PTPRU: variants seen among roughly 807,000 people sequenced by gnomAD.
The protein encoded by PTPRU is protein tyrosine phosphatase receptor type U, also known as receptor-type tyrosine-protein phosphatase U.
In PTPRU, 69 loss-of-function variants were observed where a neutral mutation model predicts 166.3. That is an observed-to-expected ratio of 0.41 (90% CI 0.34 to 0.51). PTPRU has a LOEUF of 0.51. Ranked by LOEUF, PTPRU falls within the 20% of genes least tolerant of loss-of-function variation. The probability of loss-of-function intolerance (pLI) is 0.09; values close to 1 mark genes in which losing one functional copy is unlikely to be tolerated. For synonymous variants in PTPRU, 793 were observed against 814.0 expected (o/e 0.97, Z 0.44); for missense variants, 1,657 against 2,013.7 (o/e 0.82, Z 3.39).
rs1687934509 is a variant in PTPRU, at chr1:29,317,144, TGA to T, written c.3514-600_3514-599del. 1.3e-5 allele frequency among the ~76,000 whole-genome samples: 2 copies of T among 152,172 alleles called. No individual in the cohort carries two copies. Among genetic ancestry groups the T allele is most frequent in the South Asian group, 4.2e-4 (2 of 4,812 alleles). ...ATCTCCAAGAACAAGAGAAAGAAAC[TGA>T]GAGCCCCTGGGTCTGGATGCGTGAG... On this transcript the variant is annotated intron_variant, in intron 24 of 29. Transcript: ENST00000373779. This position sits in a 1 kb window ranked among gnomAD's most constrained non-coding sequence, Gnocchi z 5.6.
chr1:29,273,512 A>T (rs1400204841), intron 7 of PTPRU, among the ~76,000 whole-genome samples: 1 of 151,826 alleles, frequency 6.6e-6, no homozygotes, highest in Non-Finnish European at 1.5e-5. Flanking sequence ...CAGGTGATCC[A>T]CCTGCCTTGG....
At chr1:29,259,603 G>GGTT in intron 5 of PTPRU, 39 bp downstream of exon 5, 1 of 1,292,126 alleles carries the variant, frequency 7.7e-7, no homozygotes, top group Non-Finnish European at 1.1e-6. Context: ...GGCGGGGTGG[G>GGTT]AGGGGGTTGG....
chr1:29,257,519 C>G lies in PTPRU; in HGVS notation c.206-986C>G, dbSNP rs1684826751. Among the ~76,000 whole-genome samples, 2 of 152,178 alleles carry G rather than the reference C, an allele frequency of 1.3e-5. No individual in the cohort carries two copies. Among genetic ancestry groups the G allele is most frequent in the Admixed American group, 1.3e-4 (2 of 15,286 alleles). On this transcript the variant is annotated intron_variant, in intron 2 of 29. Transcript: ENST00000373779. The surrounding 1 kb of genome is among the most constrained non-coding windows in gnomAD (Gnocchi z 4.6). ...GGAAGCCCAAATCCCCCCGCCAGGT[C>G]CTGAGCCAGCCTAGTCCACTTCTAC...
At chr1:29,270,975 GA>G (rs1264999100) in intron 7 of PTPRU, among the ~76,000 whole-genome samples, 1 of 151,806 alleles carries the variant, frequency 6.6e-6, no homozygotes, top group Admixed American at 6.6e-5. Context: ...AACAAACAAA[GA>G]AAAAAAAGAA....
chr1:29,275,093 A>G (rs1389356383), intron 7 of PTPRU, among the ~76,000 whole-genome samples: 1 of 151,034 alleles, frequency 6.6e-6, no homozygotes, highest in Non-Finnish European at 1.5e-5. Flanking sequence ...CTTATTGTAT[A>G]TTAGCCATTG....
intron 8 of PTPRU, among the ~76,000 whole-genome samples, chr1:29,276,312 C>T (rs1284712061): frequency 6.6e-6 from 1 of 151,736 alleles, no homozygotes; most frequent in Non-Finnish European, 1.5e-5. Flanking sequence ...CACCACCACG[C>T]CAAGCTAGTT....
At chr1:29,303,450 G>A (rs1266091102) in intron 15 of PTPRU, among the ~76,000 whole-genome samples, 1 of 152,246 alleles carries the variant, frequency 6.6e-6, no homozygotes, top group African/African-American at 2.4e-5. Flanking sequence ...TTTGAATGGG[G>A]GTAATTGCTG....
At chr1:29,286,037 G>T (rs532962864) in intron 14 of PTPRU, among the ~76,000 whole-genome samples, 106 of 152,370 alleles carry the variant, frequency 7.0e-4, no homozygotes, top group African/African-American at 2.4e-3. Flanking sequence ...TGAGTTGGTT[G>T]TATCTCTGGG....
At chr1:29,312,844 G>A (rs1029288076) in intron 22 of PTPRU, 138 bp downstream of exon 22, 10 of 1,149,278 alleles carry the variant, frequency 8.7e-6, no homozygotes, top group South Asian at 2.0e-5. Context: ...AGGAGGGAAC[G>A]ACCCCCAAAG....
intron 8 of PTPRU, among the ~76,000 whole-genome samples, chr1:29,277,463 C>CA (rs768958047): frequency 6.6e-6 from 1 of 152,150 alleles, no homozygotes; most frequent in Non-Finnish European, 1.5e-5. Context: ...CCACTGTAGT[C>CA]AGAGTATATA....
chr1:29,294,815 C>T (rs1185977431), intron 15 of PTPRU, among the ~76,000 whole-genome samples: 1 of 152,152 alleles, frequency 6.6e-6, no homozygotes, highest in Non-Finnish European at 1.5e-5. Flanking sequence ...TATTATAGTT[C>T]ACGCTTTCCC....
chr1:29,287,595 T>G (rs1005603038), intron 14 of PTPRU, among the ~76,000 whole-genome samples: 1 of 143,864 alleles, frequency 7.0e-6, no homozygotes, highest in Admixed American at 7.0e-5. Flanking sequence ...GTATGTATGT[T>G]TTTTTTTTTT....
intron 16 of PTPRU, among the ~76,000 whole-genome samples, chr1:29,304,518 C>T (rs1416681431): frequency 6.6e-6 from 1 of 152,178 alleles, no homozygotes; most frequent in Non-Finnish European, 1.5e-5. Flanking sequence ...ACCCTTATTC[C>T]AAAATGTCTT....
chr1:29,310,872 C>A, intron 19 of PTPRU, 92 bp downstream of exon 19: 1 of 1,428,194 alleles, frequency 7.0e-7, no homozygotes, highest in South Asian at 1.1e-5. Context: ...CCCTGCTGAT[C>A]CGCTTGATTC....
chr1:29,293,770 G>A (rs181565001), intron 15 of PTPRU, among the ~76,000 whole-genome samples: 1 of 152,130 alleles, frequency 6.6e-6, no homozygotes, highest in African/African-American at 2.4e-5. Context: ...CACTGCGCCC[G>A]GACTTTTGGG....
At chr1:29,244,881 G>A (rs936905823) in intron 1 of PTPRU, among the ~76,000 whole-genome samples, 1 of 152,134 alleles carries the variant, frequency 6.6e-6, no homozygotes, top group Non-Finnish European at 1.5e-5. Flanking sequence ...GCATGCGTGC[G>A]GTCATCCTGT....
chr1:29,237,758 C>CCGGGGCTG lies in PTPRU; in HGVS notation c.73+1048_73+1055dup, dbSNP rs918243007. Among the ~76,000 whole-genome samples, 1 of 148,550 alleles carries CCGGGGCTG rather than the reference C, an allele frequency of 6.7e-6. No homozygotes were observed. Among genetic ancestry groups the CCGGGGCTG allele is most frequent in the Non-Finnish European group, 1.5e-5 (1 of 66,840 alleles). ...GGCGGGCGGCTGATCCGAGGCGGCG[C>CCGGGGCTG]CGGGGCTGCGGGGCGCCCGGGCCAG... On this transcript the variant is annotated intron_variant, in intron 1 of 29. Coordinates refer to ENST00000373779, the MANE Select transcript of PTPRU (RefSeq NM_133178.4). The surrounding 1 kb of genome is among the most constrained non-coding windows in gnomAD (Gnocchi z 6.4).
Position 29,317,898 on chromosome 1 carries a change from T to C in PTPRU, c.3664T>C (p.Tyr1222His), listed in dbSNP as rs751705783. The C allele has an allele frequency of 6.2e-7, 1 of 1,613,892 alleles. No homozygotes were observed. The highest frequency in any genetic ancestry group is 8.5e-7 in the Non-Finnish European group (1 of 1,179,990). The part of the protein sequence containing the change: ...LISTDGDSNN[Y>H]INAALTDSYT... Reference sequence around the variant, plus strand: ...CTCCACTGATGGGGACTCCAACAACTACATTAATGCAGCCCTGACTGACGT... The same window carrying C: ...CTCCACTGATGGGGACTCCAACAACCACATTAATGCAGCCCTGACTGACGT... The change falls in exon 25 of 30, where the codon TAC (tyrosine) becomes CAC (histidine). Residue 1222 changes from tyrosine (Y) to histidine (H), a missense_variant. Coordinates refer to ENST00000373779, the MANE Select transcript of PTPRU (RefSeq NM_133178.4). This position sits in a 1 kb window ranked among gnomAD's most constrained non-coding sequence, Gnocchi z 5.6.
At chr1:29,303,643 G>A (rs1557468707) in intron 15 of PTPRU, among the ~76,000 whole-genome samples, 1 of 152,204 alleles carries the variant, frequency 6.6e-6, no homozygotes, top group Non-Finnish European at 1.5e-5. Flanking sequence ...GATCTGACCG[G>A]CTCATTCTAC....
Sources: allele counts gnomAD v4.1 joint callset (sites outside exome capture counted in the v4.1 genomes callset), GRCh38; gene constraint gnomAD v4.1.1; non-coding constraint Gnocchi (gnomAD v3.1); transcripts MANE v1.5; gene names NCBI Gene and HGNC (gene_info 2026-07-23, HGNC 2026-07-21).